Variants in SOX5 observed in about 807,000 individuals in gnomAD.
SOX5 encodes SRY-box transcription factor 5, also known as transcription factor SOX-5.
SOX5 carries 9 observed loss-of-function variants against 92.0 expected under a neutral mutation model. The observed-to-expected ratio is 0.10, with a 90% confidence interval of 0.06 to 0.17. The LOEUF is 0.17. SOX5 is among the 10% of genes least tolerant of loss of function. The pLI, the probability that SOX5 is intolerant of heterozygous loss-of-function variation, is 1.00. For missense variants in SOX5, 642 were observed against 944.5 expected, an observed-to-expected ratio of 0.68 and a Z score of 4.20; for synonymous variants, 344 against 336.3, an observed-to-expected ratio of 1.02 and a Z score of -0.25.
At chr12:24,423,413 C>T (rs536653469) in intron 1 of SOX5, among the ~76,000 whole-genome samples, 3 of 152,314 alleles carry the variant, frequency 2.0e-5, no homozygotes, top group Admixed American at 2.0e-4. Context: ...ATCTACTATA[C>T]ACTATCAAAG....
chr12:24,080,350 T>G (rs147327108), intron 4 of SOX5, among the ~76,000 whole-genome samples: 1 of 152,012 alleles, frequency 6.6e-6, no homozygotes, highest in Non-Finnish European at 1.5e-5. Context: ...AATAAATAAA[T>G]GTTGAATATC....
chr12:23,679,789 A>C (rs2086287679), intron 6 of SOX5, among the ~76,000 whole-genome samples: 1 of 152,224 alleles, frequency 6.6e-6, no homozygotes, highest in African/African-American at 2.4e-5. Flanking sequence ...CACAATTTAA[A>C]TTTAACAAAT....
At chr12:23,924,993 C>T (rs578259031) in intron 1 of SOX5, among the ~76,000 whole-genome samples, 26 of 151,814 alleles carry the variant, frequency 1.7e-4, no homozygotes, top group East Asian at 9.7e-4. Context: ...TCCCCCTCTA[C>T]GAGAAACACC....
rs576137965 is a variant in SOX5, at chr12:24,337,674, G to C, written c.-174+30889C>G. On this transcript the variant is annotated intron_variant, in intron 2 of 4. Transcript: ENST00000446891. Reference sequence around the variant, plus strand: ...GAATTTTTTTGCCTCTTTTAAGTTCGGTAGACATGTATTACATCAGTTCTT... The same window carrying C: ...GAATTTTTTTGCCTCTTTTAAGTTCCGTAGACATGTATTACATCAGTTCTT... Among the ~76,000 whole-genome samples the C allele has an allele frequency of 6.6e-5, 10 of 152,078 alleles. No individual in the cohort carries two copies. In the South Asian group the frequency reaches 2.1e-3, roughly 32 times the overall value.
At chr12:24,009,227 A>G (rs1369445290) in intron 4 of SOX5, among the ~76,000 whole-genome samples, 4 of 152,174 alleles carry the variant, frequency 2.6e-5, no homozygotes, top group Admixed American at 6.5e-5. Context: ...GTTAAACCCA[A>G]TCAAACATCG....
At chr12:23,561,738 G>T in intron 11 of SOX5, among the ~76,000 whole-genome samples, 1 of 151,092 alleles carries the variant, frequency 6.6e-6, no homozygotes, top group African/African-American at 2.4e-5. Flanking sequence ...TTGGTCGGTT[G>T]TCACTTGACA....
intron 1 of SOX5, among the ~76,000 whole-genome samples, chr12:23,926,398 C>T (rs1162940705): frequency 6.6e-6 from 1 of 152,006 alleles, no homozygotes; most frequent in East Asian, 1.9e-4. Flanking sequence ...AAATCATCTA[C>T]ATGGGGAAAG....
At chr12:24,293,972 C>G (rs1311032672) in intron 2 of SOX5, among the ~76,000 whole-genome samples, 1 of 152,020 alleles carries the variant, frequency 6.6e-6, no homozygotes, top group African/African-American at 2.4e-5. Context: ...GGAAACAGCT[C>G]CATTAAATAG....
chr12:23,657,561 GTTGTA>G (rs758357586), intron 7 of SOX5, among the ~76,000 whole-genome samples: 5 of 152,182 alleles, frequency 3.3e-5, no homozygotes, highest in South Asian at 4.1e-4. Context: ...GGAGATTTCC[GTTGTA>G]TTGTATCATG....
At chr12:23,926,411 A>G (rs760916684) in intron 1 of SOX5, among the ~76,000 whole-genome samples, 15 of 152,052 alleles carry the variant, frequency 9.9e-5, no homozygotes, top group Non-Finnish European at 1.8e-4. Context: ...GGGGAAAGCG[A>G]GTATTATAAA....
rs149518898 is a variant in SOX5, at chr12:24,139,653, T to G, written c.-2+73690A>C. Among the ~76,000 whole-genome samples the G allele has an allele frequency of 3.9e-5, 6 of 152,352 alleles. No individual in the cohort carries two copies. The East Asian group carries it at 7.7e-4, about 20-fold the overall frequency. On this transcript the variant is annotated intron_variant, in intron 4 of 4. Transcript: ENST00000446891. Reference sequence around the variant, plus strand: ...TTGCTGTTTTGAACAATTTTATTTTTAAAGACACACACTGCAATTTTTAAT... The same window carrying G: ...TTGCTGTTTTGAACAATTTTATTTTGAAAGACACACACTGCAATTTTTAAT...
intron 1 of SOX5, among the ~76,000 whole-genome samples, chr12:24,396,555 C>G (rs551744184): frequency 1.3e-5 from 2 of 152,348 alleles, no homozygotes; most frequent in African/African-American, 4.8e-5. Context: ...GGCAACAGCT[C>G]GCGCTAGCTC....
At chr12:24,198,020 C>T (rs1186454798) in intron 4 of SOX5, among the ~76,000 whole-genome samples, 1 of 152,136 alleles carries the variant, frequency 6.6e-6, no homozygotes, top group Non-Finnish European at 1.5e-5. Flanking sequence ...GCACTGAGAA[C>T]TCTGATAATT....
At chr12:23,939,681 A>G (rs1943245782) in intron 1 of SOX5, among the ~76,000 whole-genome samples, 1 of 150,868 alleles carries the variant, frequency 6.6e-6, no homozygotes, top group Admixed American at 6.6e-5. Context: ...CCAACACTGC[A>G]TTAAAAAAAC....
rs1194177449 is a variant in SOX5, at chr12:24,148,711, AAAAAAG to A, written c.-2+64626_-2+64631del. On this transcript the variant is annotated intron_variant, in intron 4 of 4. Transcript: ENST00000446891. ...ACTAAAAAAAAAAAAAAAAAAAAAAAAAAAAGAAGAAAGAAAGAAAAGAAAAGAATT... is the reference window on the plus strand; with the variant it reads ...ACTAAAAAAAAAAAAAAAAAAAAAAAAAGAAAGAAAGAAAAGAAAAGAATT... 1.6e-4 allele frequency among the ~76,000 whole-genome samples: 20 copies of A among 122,598 alleles called. 1 individual carries two copies. The highest frequency in any genetic ancestry group is 2.6e-4 in the African/African-American group (9 of 35,264). The allele number at this position is 122,598 out of a possible 152,430, so 80.4% of individuals were successfully genotyped here. A position where few individuals can be genotyped will look rare whatever the true frequency, so the allele number is the denominator to read the frequency against.
chr12:23,841,399 T>C (rs1233650501), intron 3 of SOX5, among the ~76,000 whole-genome samples: 1 of 152,098 alleles, frequency 6.6e-6, no homozygotes, highest in African/African-American at 2.4e-5. Flanking sequence ...AGTCTGGCAG[T>C]TTCTCCCAAG....
intron 2 of SOX5, among the ~76,000 whole-genome samples, chr12:23,879,563 T>C (rs1035404950): frequency 6.6e-6 from 1 of 152,112 alleles, no homozygotes; most frequent in Non-Finnish European, 1.5e-5. Flanking sequence ...AGCAGCATGG[T>C]ACCAGGGCAT....
chr12:23,711,282 G>A (rs2092025990), intron 6 of SOX5, among the ~76,000 whole-genome samples: 2 of 152,056 alleles, frequency 1.3e-5, no homozygotes. Flanking sequence ...TTACACCATA[G>A]GGTTGGATAG....
chr12:24,086,209 T>G lies in SOX5; in HGVS notation c.-2+127134A>C, dbSNP rs376879794. Among the ~76,000 whole-genome samples, 17 of 151,998 alleles carry G rather than the reference T, an allele frequency of 1.1e-4. No individual in the cohort carries two copies. The East Asian group carries it at 1.7e-3, about 16-fold the overall frequency. On this transcript the variant is annotated intron_variant, in intron 4 of 4. Transcript: ENST00000446891. ...AAATGCAGTACATTTTTTTTTTCAT[T>G]GTCAAAATATACTCTTAGTTAAGAA...
Sources: allele counts gnomAD v4.1 joint callset (sites outside exome capture counted in the v4.1 genomes callset), GRCh38; gene constraint gnomAD v4.1.1; transcripts MANE v1.5; gene names NCBI Gene and HGNC (gene_info 2026-07-23, HGNC 2026-07-21).